Variants in TRMT11 observed in about 807,000 individuals in gnomAD.
The protein encoded by TRMT11 is tRNA (guanine(10)-N(2))-methyltransferase TRMT11.
A neutral mutation model predicts 62.8 loss-of-function variants in TRMT11; 53 were observed. That is an observed-to-expected ratio of 0.84 (90% CI 0.68 to 1.06). The LOEUF (loss-of-function observed/expected upper bound fraction) is 1.06, where lower values mean the gene tolerates loss of function less well. Ranked by LOEUF, TRMT11 falls within the 50% of genes least tolerant of loss-of-function variation. The pLI is 0.00. For missense variants in TRMT11, 556 were observed against 553.4 expected (o/e 1.00, Z -0.05); for synonymous variants, 188 against 190.3 (o/e 0.99, Z 0.10).
the TRMT11 span, among the ~76,000 whole-genome samples, chr6:126,236,113 A>G: frequency 6.6e-6 from 1 of 152,244 alleles, no homozygotes; most frequent in African/African-American, 2.4e-5. Flanking sequence ...GCTTTCTCTT[A>G]TGTGGAAAGT....
At chr6:125,992,805 A>G (rs896929240) in intron 1 of TRMT11, among the ~76,000 whole-genome samples, 3 of 152,222 alleles carry the variant, frequency 2.0e-5, no homozygotes, top group Non-Finnish European at 2.9e-5. Flanking sequence ...TCACTGATTT[A>G]TCAGTAGTCT....
intron 11 of TRMT11, among the ~76,000 whole-genome samples, chr6:126,017,853 G>A (rs1005873768): frequency 1.3e-5 from 2 of 152,212 alleles, no homozygotes; most frequent in African/African-American, 4.8e-5. Context: ...GCAATCATGT[G>A]TACAGGGCAT....
In TRMT11 at chr6:126,035,755, C is replaced by A. The variant is rs1237514152; in HGVS notation, c.1261-2950C>A. Among the ~76,000 whole-genome samples, 3 of 152,106 alleles carry A rather than the reference C, an allele frequency of 2.0e-5. No homozygotes were observed. In the East Asian group the frequency reaches 5.8e-4, roughly 29 times the overall value. ...AATAATCGTTAGCATACATTTTAATCATTACTTTTGGATTTTTCAGGCTTT... is the reference window on the plus strand; with the variant it reads ...AATAATCGTTAGCATACATTTTAATAATTACTTTTGGATTTTTCAGGCTTT... On this transcript the variant is annotated intron_variant, in intron 12 of 12. Coordinates refer to ENST00000334379, the MANE Select transcript of TRMT11 (RefSeq NM_001031712.3).
the TRMT11 span, among the ~76,000 whole-genome samples, chr6:126,228,447 C>G: frequency 2.0e-5 from 3 of 152,332 alleles, no homozygotes; most frequent in African/African-American, 7.2e-5. Flanking sequence ...TGCGGTGACT[C>G]TCCTCTATCA....
At chr6:126,154,126 C>T (rs937047855) in intron 21 of TRMT11, among the ~76,000 whole-genome samples, 2 of 152,178 alleles carry the variant, frequency 1.3e-5, no homozygotes, top group African/African-American at 4.8e-5. Context: ...TTTTTAAAAG[C>T]CCCCTAATTT....
In TRMT11 at chr6:125,999,616, A is replaced by AT; in HGVS notation, c.679+8dup. 1 of 1,605,094 alleles carries AT rather than the reference A, an allele frequency of 6.2e-7. No individual in the cohort carries two copies. The highest frequency in any genetic ancestry group is 8.5e-7 in the Non-Finnish European group (1 of 1,175,608). On this transcript the variant is annotated splice_donor_region_variant and intron_variant, in intron 7 of 12. Coordinates refer to ENST00000334379, the MANE Select transcript of TRMT11 (RefSeq NM_001031712.3). ...CTTTGATCCATTTGTTGGAACAGGT[A>AT]TTTTTATTTAACTTTTAAGCTAGTG...
At chr6:126,091,342 C>G (rs1185024194) in intron 17 of TRMT11, among the ~76,000 whole-genome samples, 4 of 152,172 alleles carry the variant, frequency 2.6e-5, no homozygotes, top group African/African-American at 9.7e-5. Flanking sequence ...CAATCACCGA[C>G]TTTTCGCCAC....
chr6:126,215,079 T>C, the TRMT11 span, among the ~76,000 whole-genome samples: 1 of 152,006 alleles, frequency 6.6e-6, no homozygotes, highest in Admixed American at 6.6e-5. Context: ...TTTTTTTGAA[T>C]TTTTAAAGAC....
At chr6:126,133,149 A>G (rs1388446387) in intron 21 of TRMT11, among the ~76,000 whole-genome samples, 1 of 152,020 alleles carries the variant, frequency 6.6e-6, no homozygotes, top group Non-Finnish European at 1.5e-5. Context: ...TTGAGAATGT[A>G]CAAGGTTTCC....
chr6:126,046,387 T>C (rs150967396), intron 16 of TRMT11, among the ~76,000 whole-genome samples: 53 of 152,214 alleles, frequency 3.5e-4, no homozygotes, highest in African/African-American at 1.2e-3. Flanking sequence ...ACCAAAATCA[T>C]TGGAATTTCA....
At chr6:126,141,432 A>G (rs942056575) in intron 21 of TRMT11, among the ~76,000 whole-genome samples, 1 of 152,160 alleles carries the variant, frequency 6.6e-6, no homozygotes, top group Non-Finnish European at 1.5e-5. Flanking sequence ...TCTTACTGTA[A>G]TTGTAGGAAA....
the TRMT11 span, among the ~76,000 whole-genome samples, chr6:126,230,162 A>G: frequency 1.3e-5 from 2 of 152,188 alleles, no homozygotes; most frequent in Non-Finnish European, 2.9e-5. Flanking sequence ...GGGATGGTCC[A>G]GTGGCCACAG....
chr6:126,000,848 C>G (rs1254655105), intron 7 of TRMT11, among the ~76,000 whole-genome samples: 1 of 152,130 alleles, frequency 6.6e-6, no homozygotes, highest in South Asian at 2.1e-4. Flanking sequence ...TCCCCACTCT[C>G]ATTATCCTAA....
In TRMT11 at chr6:126,030,407, C is replaced by T. The variant is rs577015244; in HGVS notation, c.1261-8298C>T. ...TCTCTGCTGATTAAAAGAAAATAAA[C>T]CGACCCATTGTTTTTCTCTTCCATC... On this transcript the variant is annotated intron_variant, in intron 12 of 12. Coordinates refer to ENST00000334379, the MANE Select transcript of TRMT11 (RefSeq NM_001031712.3). Among the ~76,000 whole-genome samples the T allele has an allele frequency of 1.1e-3, 163 of 152,274 alleles. 2 individuals carry two copies. The highest frequency in any genetic ancestry group is 3.6e-3 in the African/African-American group (149 of 41,568).
downstream of TRMT11, among the ~76,000 whole-genome samples, chr6:126,041,581 T>G (rs1249973430): frequency 6.6e-6 from 1 of 152,164 alleles, no homozygotes; most frequent in African/African-American, 2.4e-5. Context: ...GAAGGTGACT[T>G]TTTTGGGAAA....
At chr6:126,108,386 T>C (rs1312081059) in intron 17 of TRMT11, among the ~76,000 whole-genome samples, 1 of 152,248 alleles carries the variant, frequency 6.6e-6, no homozygotes, top group Non-Finnish European at 1.5e-5. Context: ...TATGAAGTTC[T>C]TAACATATTT....
chr6:125,993,169 A>G (rs1156461488), intron 1 of TRMT11, among the ~76,000 whole-genome samples: 1 of 152,186 alleles, frequency 6.6e-6, no homozygotes, highest in Non-Finnish European at 1.5e-5. Flanking sequence ...TAGTCATACA[A>G]ATTATAAAAT....
intron 16 of TRMT11, among the ~76,000 whole-genome samples, chr6:126,044,835 G>A (rs1776000730): frequency 6.6e-6 from 1 of 151,700 alleles, no homozygotes; most frequent in Admixed American, 6.6e-5. Flanking sequence ...CACCCATCTG[G>A]GCCTAATCTG....
intron 21 of TRMT11, among the ~76,000 whole-genome samples, chr6:126,140,969 A>T (rs933601916): frequency 6.6e-6 from 1 of 152,120 alleles, no homozygotes; most frequent in Non-Finnish European, 1.5e-5. Context: ...AGTGAAATAG[A>T]AAATAACAAA....
Sources: allele counts gnomAD v4.1 joint callset (sites outside exome capture counted in the v4.1 genomes callset), GRCh38; gene constraint gnomAD v4.1.1; transcripts MANE v1.5; gene names NCBI Gene and HGNC (gene_info 2026-07-23, HGNC 2026-07-21).